MCTP1: variants seen among roughly 807,000 people sequenced by gnomAD.
MCTP1 encodes the protein multiple C2 and transmembrane domain containing 1.
Under a neutral mutation model 120.6 loss-of-function variants are expected in MCTP1, and 69 were observed. The observed-to-expected ratio is 0.57, with a 90% confidence interval of 0.47 to 0.70. MCTP1 has a LOEUF of 0.70. Ranked by LOEUF, MCTP1 falls within the 30% of genes least tolerant of loss-of-function variation. The pLI, the probability that MCTP1 is intolerant of heterozygous loss-of-function variation, is 0.00. For synonymous variants in MCTP1, 529 were observed against 493.1 expected (o/e 1.07, Z -0.96); for missense variants, 1,203 against 1,248.8 (o/e 0.96, Z 0.55).
chr5:95,031,078 C>T (rs2153692014), intron 1 of MCTP1, among the ~76,000 whole-genome samples: 1 of 151,032 alleles, frequency 6.6e-6, no homozygotes, highest in Non-Finnish European at 1.5e-5. Flanking sequence ...TTATCTGAGT[C>T]AGACAAAAAT....
chr5:94,773,857 G>A (rs1302899527), intron 19 of MCTP1, among the ~76,000 whole-genome samples: 1 of 152,120 alleles, frequency 6.6e-6, no homozygotes, highest in Admixed American at 6.5e-5. Context: ...CACAACACAT[G>A]GGAAATATGG....
chr5:95,268,519 T>C (rs189591954), intron 1 of MCTP1, among the ~76,000 whole-genome samples: 1 of 152,330 alleles, frequency 6.6e-6, no homozygotes, highest in Non-Finnish European at 1.5e-5. Flanking sequence ...ACACGAACCT[T>C]CTTGGAAGGC....
chr5:94,778,010 T>C (rs1365237606), intron 19 of MCTP1, among the ~76,000 whole-genome samples: 1 of 151,908 alleles, frequency 6.6e-6, no homozygotes, highest in Non-Finnish European at 1.5e-5. Context: ...GAGAGTTAAC[T>C]AATCACTGAA....
chr5:95,097,503 A>G (rs1458510998), intron 1 of MCTP1, among the ~76,000 whole-genome samples: 3 of 152,252 alleles, frequency 2.0e-5, no homozygotes, highest in Admixed American at 2.0e-4. Flanking sequence ...AGCACTGAGA[A>G]AGGAGGCTGG....
intron 9 of MCTP1, among the ~76,000 whole-genome samples, chr5:94,911,894 A>C (rs981527087): frequency 3.3e-5 from 5 of 152,184 alleles, no homozygotes; most frequent in Non-Finnish European, 7.3e-5. Flanking sequence ...GATTATGGAC[A>C]AGGCAGTATT....
chr5:95,055,450 C>T (rs1280339316), intron 1 of MCTP1, among the ~76,000 whole-genome samples: 1 of 152,122 alleles, frequency 6.6e-6, no homozygotes, highest in Non-Finnish European at 1.5e-5. Context: ...TTACTATGTG[C>T]CAGGCACTTT....
intron 12 of MCTP1, among the ~76,000 whole-genome samples, chr5:94,876,472 A>G (rs903964372): frequency 5.9e-5 from 9 of 152,150 alleles, no homozygotes; most frequent in Non-Finnish European, 1.3e-4. Context: ...TGTGGCTAGA[A>G]GTGCAAAGAA....
intron 1 of MCTP1, among the ~76,000 whole-genome samples, chr5:95,261,987 C>T: frequency 6.6e-6 from 1 of 152,178 alleles, no homozygotes; most frequent in South Asian, 2.1e-4. Context: ...TTATAGCCCC[C>T]CATCAACCAG....
chr5:95,227,557 A>T (rs1754422585), intron 1 of MCTP1, among the ~76,000 whole-genome samples: 1 of 152,196 alleles, frequency 6.6e-6, no homozygotes, highest in African/African-American at 2.4e-5. Context: ...ATTAGCTAAA[A>T]GGCAACTTTA....
chr5:95,072,389 T>A (rs1189063443), intron 1 of MCTP1, among the ~76,000 whole-genome samples: 1 of 152,188 alleles, frequency 6.6e-6, no homozygotes, highest in Non-Finnish European at 1.5e-5. Context: ...ATCACTCTAC[T>A]TGTAACATTC....
intron 8 of MCTP1, among the ~76,000 whole-genome samples, chr5:94,916,381 C>T (rs951262567): frequency 3.9e-5 from 6 of 152,140 alleles, no homozygotes; most frequent in Admixed American, 2.0e-4. Context: ...TTTTTCTAGA[C>T]TGTACTTCAG....
At chr5:94,896,728 T>G (rs1804082315) in intron 10 of MCTP1, among the ~76,000 whole-genome samples, 1 of 152,218 alleles carries the variant, frequency 6.6e-6, no homozygotes, top group Non-Finnish European at 1.5e-5. Context: ...ATATAAATAT[T>G]TTTAAATACA....
intron 1 of MCTP1, among the ~76,000 whole-genome samples, chr5:95,025,935 A>ATG (rs1244777135): frequency 6.6e-6 from 1 of 152,148 alleles, no homozygotes; most frequent in Non-Finnish European, 1.5e-5. Flanking sequence ...CCTGAGTAAT[A>ATG]TGTGTGGGAA....
intron 17 of MCTP1, among the ~76,000 whole-genome samples, chr5:94,799,374 G>A (rs757861315): frequency 1.9e-4 from 29 of 152,082 alleles, no homozygotes; most frequent in Non-Finnish European, 1.9e-4. Flanking sequence ...ATATCATTAC[G>A]TTGTCAAAGA....
intron 2 of MCTP1, among the ~76,000 whole-genome samples, chr5:94,973,040 C>T (rs1273771729): frequency 6.6e-6 from 1 of 152,112 alleles, no homozygotes; most frequent in African/African-American, 2.4e-5. Flanking sequence ...ATAACTCTAG[C>T]CCTGTGAGTT....
At chr5:95,091,161 A>G (rs937525884) in intron 1 of MCTP1, among the ~76,000 whole-genome samples, 1 of 152,022 alleles carries the variant, frequency 6.6e-6, no homozygotes, top group Non-Finnish European at 1.5e-5. Flanking sequence ...GAAGGCTGTC[A>G]CCCAAACCAG....
At chr5:95,002,573 A>G (rs533322017) in intron 2 of MCTP1, among the ~76,000 whole-genome samples, 5 of 152,306 alleles carry the variant, frequency 3.3e-5, no homozygotes, top group African/African-American at 9.6e-5. Flanking sequence ...CGACTGCCCT[A>G]TTGGATTTTG....
At chr5:94,930,581 C>T (rs1362189623) in intron 6 of MCTP1, among the ~76,000 whole-genome samples, 1 of 151,912 alleles carries the variant, frequency 6.6e-6, no homozygotes, top group Non-Finnish European at 1.5e-5. Flanking sequence ...GCAGAATCTT[C>T]ATTTCTAATC....
intron 6 of MCTP1, among the ~76,000 whole-genome samples, chr5:94,924,499 T>C (rs1812509079): frequency 6.6e-6 from 1 of 152,124 alleles, no homozygotes; most frequent in Non-Finnish European, 1.5e-5. Flanking sequence ...TATAATACAA[T>C]TAACAAACAT....
Sources: allele counts gnomAD v4.1 joint callset (sites outside exome capture counted in the v4.1 genomes callset), GRCh38; gene constraint gnomAD v4.1.1; transcripts MANE v1.5; gene names NCBI Gene and HGNC (gene_info 2026-07-23, HGNC 2026-07-21).